SYT17: variants seen among roughly 807,000 people sequenced by gnomAD.
The protein encoded by SYT17 is synaptotagmin 17, also known as synaptotagmin-17.
A neutral mutation model predicts 46.7 loss-of-function variants in SYT17; 22 were observed. The observed-to-expected ratio is 0.47, with a 90% CI of 0.34 to 0.67. SYT17 has a LOEUF of 0.67. SYT17 is among the 30% of genes least tolerant of loss of function. The pLI, the probability that SYT17 is intolerant of heterozygous loss-of-function variation, is 0.01. For missense variants in SYT17, 519 were observed against 612.8 expected (o/e 0.85, Z 1.62); for synonymous variants, 251 against 248.4 (o/e 1.01, Z -0.10).
intron 7 of SYT17, among the ~76,000 whole-genome samples, chr16:19,262,442 C>T (rs1236570394): frequency 1.3e-5 from 2 of 152,142 alleles, no homozygotes; most frequent in African/African-American, 4.8e-5. Flanking sequence ...GAAATAAATT[C>T]CTGTTGTTTA....
chr16:19,231,874 T>G (rs1191934787), intron 7 of SYT17, among the ~76,000 whole-genome samples: 1 of 152,314 alleles, frequency 6.6e-6, no homozygotes, highest in Non-Finnish European at 1.5e-5. Flanking sequence ...ATTAATTAAA[T>G]GCCACACCAA....
chr16:19,226,262 A>G (rs1337558565), intron 7 of SYT17, among the ~76,000 whole-genome samples: 25 of 152,238 alleles, frequency 1.6e-4, no homozygotes, highest in South Asian at 6.2e-4. Context: ...ATATTTCCTC[A>G]AACACCCAGG....
intron 4 of SYT17, among the ~76,000 whole-genome samples, chr16:19,182,181 G>A (rs532153099): frequency 2.0e-5 from 3 of 152,286 alleles, no homozygotes; most frequent in East Asian, 3.9e-4. Context: ...TTGGGAGGCC[G>A]AGGCAGGCAG....
intron 7 of SYT17, among the ~76,000 whole-genome samples, chr16:19,252,406 T>C (rs146838735): frequency 4.4e-5 from 1 of 22,840 alleles, no homozygotes; most frequent in African/African-American, 3.8e-4. Context: ...TATATATACA[T>C]ATATATATAC....
At chr16:19,176,373 C>T (rs1023735909) in intron 3 of SYT17, among the ~76,000 whole-genome samples, 1 of 152,130 alleles carries the variant, frequency 6.6e-6, no homozygotes, top group Non-Finnish European at 1.5e-5. Flanking sequence ...ACCCAGGAAA[C>T]CAGGGAGATG....
intron 7 of SYT17, among the ~76,000 whole-genome samples, chr16:19,256,600 G>T (rs1332554530): frequency 6.7e-6 from 1 of 148,312 alleles, no homozygotes; most frequent in African/African-American, 2.5e-5. Flanking sequence ...TATTATTGAG[G>T]CAGGGTCTTA....
Position 19,224,850 on chromosome 16 carries a change from T to C in SYT17, c.1228+12T>C, listed in dbSNP as rs1966446569. The C allele has an allele frequency of 6.2e-7, 1 of 1,613,636 alleles. No individual in the cohort carries two copies. The highest frequency in any genetic ancestry group is 8.5e-7 in the Non-Finnish European group (1 of 1,179,742). On this transcript the variant is annotated intron_variant, in intron 7 of 7. Coordinates refer to ENST00000355377, the MANE Select transcript of SYT17 (RefSeq NM_016524.4). The stretch of plus-strand genomic sequence containing the variant: ...CCTAGTGTTTACAGGTAGGTAGCAT[T>C]CCAAAACCCGATGAACTCCAGGTGA...
At chr16:19,222,699 C>T (rs1298606332) in intron 5 of SYT17, among the ~76,000 whole-genome samples, 5 of 152,190 alleles carry the variant, frequency 3.3e-5, no homozygotes, top group Non-Finnish European at 7.3e-5. Context: ...TCGGTTTCCT[C>T]ATCTGTTAAA....
At chr16:19,212,308 G>T (rs1422806007) in intron 5 of SYT17, among the ~76,000 whole-genome samples, 1 of 152,128 alleles carries the variant, frequency 6.6e-6, no homozygotes, top group Non-Finnish European at 1.5e-5. Context: ...ATTTTATTTT[G>T]AGAGATGGAG....
In SYT17 at chr16:19,267,236, C is replaced by A. The variant is rs1969429918; in HGVS notation, c.*160C>A. On this transcript the variant is annotated 3_prime_UTR_variant, in exon 8 of 8. Coordinates refer to ENST00000355377, the MANE Select transcript of SYT17 (RefSeq NM_016524.4). ...ACAGATACCCCAAATCCTCTCAGAACTGAGAGGAAGCTGACTATTGATCAC... is the reference window on the plus strand; with the variant it reads ...ACAGATACCCCAAATCCTCTCAGAAATGAGAGGAAGCTGACTATTGATCAC... 1 of 652,810 alleles carries A rather than the reference C, an allele frequency of 1.5e-6. No homozygotes were observed. Among genetic ancestry groups the A allele is most frequent in the Non-Finnish European group, 2.4e-6 (1 of 409,298 alleles). 40.4% of individuals were successfully genotyped at this position (652,810 alleles called of 1,614,324 possible).
rs760178625 is a variant in SYT17, at chr16:19,267,976, A to AGTGT, written c.*902_*903insGTGT. On this transcript the variant is annotated 3_prime_UTR_variant, in exon 8 of 8. Transcript: ENST00000355377. ...TGTGTGTGTGTGTGTGTGTGTGTAA[A>AGTGT]GTAAATAGGATATGATAGAGCAAAA... The AGTGT allele has an allele frequency of 0.036, 3,066 of 84,668 alleles. 39 individuals are homozygous for AGTGT. Among genetic ancestry groups the AGTGT allele is most frequent in the Non-Finnish European group, 0.049 (2,015 of 40,926 alleles). 5.2% of individuals were successfully genotyped at this position (84,668 alleles called of 1,614,324 possible). A position where few individuals can be genotyped will look rare whatever the true frequency, so the allele number is the denominator to read the frequency against.
At chr16:19,248,224 G>T (rs1238722620) in intron 7 of SYT17, among the ~76,000 whole-genome samples, 1 of 152,212 alleles carries the variant, frequency 6.6e-6, no homozygotes, top group Non-Finnish European at 1.5e-5. Context: ...AAAACAAGAA[G>T]TGTTGGTGAG....
At chr16:19,191,579 G>T (rs1012980096) in intron 5 of SYT17, among the ~76,000 whole-genome samples, 2 of 152,170 alleles carry the variant, frequency 1.3e-5, no homozygotes, top group African/African-American at 4.8e-5. Context: ...AGCCTGAATG[G>T]ACTAAGACAG....
At chr16:19,195,379 TCAAAA>T (rs1965194155) in intron 5 of SYT17, among the ~76,000 whole-genome samples, 1 of 150,164 alleles carries the variant, frequency 6.7e-6, no homozygotes, top group Non-Finnish European at 1.5e-5. Flanking sequence ...TTTTTAAAAA[TCAAAA>T]CAAAACAAAA....
rs565568337 is a variant in SYT17 at position 19,227,053 on chromosome 16, C to T, written c.1228+2215C>T. ...CTTTGGTGACCCTGGGCAAGATCTGCGTGCTTAGGTTTTCTCAGCTGTAAA... is the reference window on the plus strand; with the variant it reads ...CTTTGGTGACCCTGGGCAAGATCTGTGTGCTTAGGTTTTCTCAGCTGTAAA... On this transcript the variant is annotated intron_variant, in intron 7 of 7. Transcript: ENST00000355377. Among the ~76,000 whole-genome samples the T allele has an allele frequency of 8.5e-5, 13 of 152,176 alleles. No homozygotes were observed. In the South Asian group the frequency reaches 2.1e-3, roughly 24 times the overall value.
At position 19,267,072 on chromosome 16, in the gene SYT17, CCTGAGGG is replaced by C. The variant is rs1369793826; in HGVS notation, c.1425_*6del. The C allele has an allele frequency of 1.9e-6, 3 of 1,587,050 alleles. No individual in the cohort carries two copies. The highest frequency in any genetic ancestry group is 2.6e-6 in the Non-Finnish European group (3 of 1,167,888). ...GTGTCTCCTGCCTCCCTGGAGGTGA[CCTGAGGG>C]CTGCAGGGAAGGCAGCTTTCATTTG... On this transcript the variant is annotated stop_lost and 3_prime_UTR_variant, in exon 8 of 8. Coordinates refer to ENST00000355377, the MANE Select transcript of SYT17 (RefSeq NM_016524.4).
At chr16:19,178,868 T>C (rs139386902) in intron 3 of SYT17, among the ~76,000 whole-genome samples, 156 of 152,134 alleles carry the variant, frequency 1.0e-3, no homozygotes, top group African/African-American at 3.6e-3. Context: ...TTTATGAGTA[T>C]TGGGGGGGAT....
intron 7 of SYT17, among the ~76,000 whole-genome samples, chr16:19,249,358 G>A (rs1282747507): frequency 6.6e-6 from 1 of 152,160 alleles, no homozygotes; most frequent in African/African-American, 2.4e-5. Context: ...ACTACTACCT[G>A]TGTCCAGCCA....
chr16:19,184,825 T>C (rs921735700), intron 5 of SYT17, among the ~76,000 whole-genome samples: 1 of 152,180 alleles, frequency 6.6e-6, no homozygotes, highest in African/African-American at 2.4e-5. Flanking sequence ...ATTGATTTTT[T>C]TGGGGAAAAA....
Sources: allele counts gnomAD v4.1 joint callset (sites outside exome capture counted in the v4.1 genomes callset), GRCh38; gene constraint gnomAD v4.1.1; transcripts MANE v1.5; gene names NCBI Gene and HGNC (gene_info 2026-07-23, HGNC 2026-07-21).